Variants in PARP8 observed in about 807,000 individuals in gnomAD.
PARP8 encodes the protein protein mono-ADP-ribosyltransferase PARP8.
PARP8 carries 51 observed loss-of-function variants against 124.1 expected under a neutral mutation model. The observed-to-expected ratio is 0.41, with a 90% confidence interval of 0.33 to 0.52. The LOEUF is 0.52. Ranked by LOEUF, PARP8 falls within the 20% of genes least tolerant of loss-of-function variation. The pLI, the probability that PARP8 is intolerant of heterozygous loss-of-function variation, is 0.21. For synonymous variants in PARP8, 391 were observed against 361.5 expected (o/e 1.08, Z -0.93); for missense variants, 860 against 1,018.9 (o/e 0.84, Z 2.12).
At chr5:50,796,155 G>C (rs546905590) in intron 12 of PARP8, among the ~76,000 whole-genome samples, 5 of 152,102 alleles carry the variant, frequency 3.3e-5, no homozygotes, top group Non-Finnish European at 5.9e-5. Context: ...ATTCAAAATA[G>C]TTGATGAAAA....
chr5:50,810,242 A>T (rs1339548498), intron 14 of PARP8, among the ~76,000 whole-genome samples: 2 of 152,004 alleles, frequency 1.3e-5, no homozygotes, highest in African/African-American at 4.8e-5. Flanking sequence ...GCTTCCAGGC[A>T]ATATAATATA....
chr5:50,781,392 T>C (rs1740653490), intron 9 of PARP8, among the ~76,000 whole-genome samples: 1 of 152,080 alleles, frequency 6.6e-6, no homozygotes, highest in South Asian at 2.1e-4. Context: ...TTCTTCAATA[T>C]TATATACAGG....
chr5:50,738,974 A>G lies in PARP8; in HGVS notation c.147-11177A>G, dbSNP rs1325343001. On this transcript the variant is annotated intron_variant, in intron 2 of 25. Transcript: ENST00000281631. ...TTTTCTAAGCTCCACATTTTTCTGT[A>G]TCAAGCACATTCCTAGACTGGCTTC... 21 of 702,370 alleles carry G rather than the reference A, an allele frequency of 3.0e-5. No individual in the cohort carries two copies. In the East Asian group the frequency reaches 5.1e-4, roughly 17 times the overall value. 43.5% of individuals were successfully genotyped at this position (702,370 alleles called of 1,614,324 possible). A position where few individuals can be genotyped will look rare whatever the true frequency, so the allele number is the denominator to read the frequency against.
At chr5:50,829,741 TTAG>T (rs1434480850) in intron 21 of PARP8, 148 bp from the exon 22 acceptor site, 1 of 610,526 alleles carries the variant, frequency 1.6e-6, no homozygotes, top group Non-Finnish European at 2.5e-6. Flanking sequence ...CACAAGGATA[TTAG>T]TACTGTTTTC....
At chr5:50,678,755 G>A (rs1181005606) in intron 2 of PARP8, among the ~76,000 whole-genome samples, 3 of 152,198 alleles carry the variant, frequency 2.0e-5, no homozygotes, top group Non-Finnish European at 4.4e-5. Context: ...CCTAAAGGCA[G>A]ACCTTTCTTG....
chr5:50,770,713 GAGAA>G (rs753942538), intron 7 of PARP8, among the ~76,000 whole-genome samples: 1 of 141,368 alleles, frequency 7.1e-6, no homozygotes, highest in Non-Finnish European at 1.5e-5. Flanking sequence ...AGAAAGGAGA[GAGAA>G]AGAAAACGAA....
chr5:50,798,064 A>C (rs1742755837), intron 14 of PARP8, among the ~76,000 whole-genome samples: 1 of 152,160 alleles, frequency 6.6e-6, no homozygotes, highest in African/African-American at 2.4e-5. Context: ...ATTGTACAGT[A>C]TGTGGGCTTT....
intron 9 of PARP8, among the ~76,000 whole-genome samples, chr5:50,779,005 G>A (rs1740355499): frequency 6.6e-6 from 1 of 152,202 alleles, no homozygotes; most frequent in Admixed American, 6.5e-5. Flanking sequence ...CAATTTTAAT[G>A]CAATATAAAT....
intron 2 of PARP8, among the ~76,000 whole-genome samples, chr5:50,718,089 G>A (rs972269467): frequency 6.6e-6 from 1 of 151,956 alleles, no homozygotes; most frequent in Non-Finnish European, 1.5e-5. Flanking sequence ...CTGGAGTGCT[G>A]ATTATACTAC....
intron 3 of PARP8, among the ~76,000 whole-genome samples, chr5:50,754,509 G>A (rs919033672): frequency 5.3e-5 from 8 of 152,028 alleles, no homozygotes; most frequent in Non-Finnish European, 1.0e-4. Flanking sequence ...CAAAGGACAT[G>A]AACTCATCAT....
At chr5:50,717,580 T>C (rs1755450660) in intron 2 of PARP8, among the ~76,000 whole-genome samples, 1 of 151,792 alleles carries the variant, frequency 6.6e-6, no homozygotes, top group South Asian at 2.1e-4. Context: ...GATGATACAA[T>C]ATCTGTGCAA....
At chr5:50,697,954 T>G (rs944619192) in intron 2 of PARP8, among the ~76,000 whole-genome samples, 6 of 152,228 alleles carry the variant, frequency 3.9e-5, no homozygotes, top group African/African-American at 1.2e-4. Context: ...TCATCTCCTT[T>G]GTATTCTTCA....
intron 2 of PARP8, among the ~76,000 whole-genome samples, chr5:50,679,753 G>T (rs574509819): frequency 5.3e-5 from 8 of 152,154 alleles, no homozygotes; most frequent in African/African-American, 1.9e-4. Context: ...TGCTGACAGT[G>T]GCAGATAAAT....
intron 22 of PARP8, among the ~76,000 whole-genome samples, chr5:50,831,033 T>A (rs1346295603): frequency 6.6e-6 from 1 of 152,162 alleles, no homozygotes; most frequent in Non-Finnish European, 1.5e-5. Flanking sequence ...AAGTTGTTTC[T>A]CAATGATAGG....
intron 9 of PARP8, 56 bp from the exon 10 acceptor site, chr5:50,788,467 A>G: frequency 6.6e-7 from 1 of 1,506,352 alleles, no homozygotes; most frequent in Middle Eastern, 1.7e-4. Flanking sequence ...TTTCTGGCTG[A>G]TGGTTGAGTT....
At chr5:50,797,389 C>G (rs529294707) in intron 14 of PARP8, among the ~76,000 whole-genome samples, 156 bp downstream of exon 14, 6 of 152,256 alleles carry the variant, frequency 3.9e-5, no homozygotes, top group African/African-American at 1.4e-4. Flanking sequence ...AGTATTACTT[C>G]TAAAGTAGCC....
intron 2 of PARP8, among the ~76,000 whole-genome samples, chr5:50,714,080 CTTTCT>C (rs1755051478): frequency 6.7e-6 from 1 of 148,384 alleles, no homozygotes; most frequent in Non-Finnish European, 1.5e-5. Context: ...TCTTTTCTTT[CTTTCT>C]TTTTTTTTTT....
Position 50,788,507 on chromosome 5 carries a change from C to T in PARP8, c.671-16C>T, listed in dbSNP as rs374115502. On this transcript the variant is annotated splice_polypyrimidine_tract_variant and intron_variant, in intron 9 of 25. Transcript: ENST00000281631. ...TTTCAAGTCAATATGTGACTGTGAT[C>T]CTTTTTCCTTTCCAGTGCCCACTGT... 15 of 1,610,490 alleles carry T rather than the reference C, an allele frequency of 9.3e-6. No individual in the cohort carries two copies. Among genetic ancestry groups the T allele is most frequent in the Middle Eastern group, 1.6e-4 (1 of 6,070 alleles).
chr5:50,793,973 A>C (rs1742246646), intron 10 of PARP8, among the ~76,000 whole-genome samples: 1 of 152,126 alleles, frequency 6.6e-6, no homozygotes, highest in South Asian at 2.1e-4. Context: ...TTATTTAAAT[A>C]AATAGTAATC....
Sources: gnomAD v4.1 joint callset for allele counts (sites outside exome capture counted in the v4.1 genomes callset) on GRCh38, gnomAD v4.1.1 for gene constraint, MANE v1.5 for transcripts, NCBI Gene and HGNC (gene_info 2026-07-23, HGNC 2026-07-21) for gene names.